Variants in SELENOT observed in about 807,000 individuals in gnomAD.
SELENOT encodes the protein selenoprotein T, also known as thioredoxin reductase-like selenoprotein T.
SELENOT carries 9 observed loss-of-function variants against 24.3 expected under a neutral mutation model. The ratio of observed to expected loss-of-function variants is 0.37; its 90% CI spans 0.22 to 0.65. The LOEUF (loss-of-function observed/expected upper bound fraction) is 0.65, where lower values mean the gene tolerates loss of function less well. Ranked by LOEUF, SELENOT falls within the 30% of genes least tolerant of loss-of-function variation. The pLI is 0.60. For synonymous variants in SELENOT, 81 were observed against 86.0 expected, an observed-to-expected ratio of 0.94 and a Z score of 0.32; for missense variants, 166 against 247.6, an observed-to-expected ratio of 0.67 and a Z score of 2.21.
intron 1 of SELENOT, among the ~76,000 whole-genome samples, chr3:150,616,028 C>G (rs1167298660): frequency 2.6e-5 from 4 of 151,882 alleles, no homozygotes; most frequent in African/African-American, 9.7e-5. Flanking sequence ...CAGAACAGAG[C>G]CCTCAGAAAT....
chr3:150,620,270 T>A (rs1168415861), intron 1 of SELENOT, among the ~76,000 whole-genome samples: 1 of 152,216 alleles, frequency 6.6e-6, no homozygotes, highest in African/African-American at 2.4e-5. Flanking sequence ...AGAATCTCTA[T>A]ATCTTCATCA....
intron 1 of SELENOT, among the ~76,000 whole-genome samples, chr3:150,613,002 T>A (rs1288950100): frequency 6.6e-6 from 1 of 152,228 alleles, no homozygotes; most frequent in Non-Finnish European, 1.5e-5. Context: ...TTGGCACTAT[T>A]CACATTTTTA....
At chr3:150,611,405 G>T in intron 1 of SELENOT, 5 of 1,236,898 alleles carry the variant, frequency 4.0e-6, no homozygotes, top group Non-Finnish European at 6.0e-6. Flanking sequence ...GCTTTATTAA[G>T]TCCTGGTCTG....
intron 3 of SELENOT, 81 bp from the exon 4 acceptor site, chr3:150,624,731 A>G (rs1375455263): frequency 1.2e-6 from 1 of 828,410 alleles, no homozygotes; most frequent in Non-Finnish European, 1.9e-6. Context: ...AATAGTTTTT[A>G]TGGGAACTTT....
In SELENOT at chr3:150,603,406, T is replaced by G; in HGVS notation, c.44T>G (p.Val15Gly). 1 of 1,613,238 alleles carries G rather than the reference T, an allele frequency of 6.2e-7. No homozygotes were observed. The highest frequency in any genetic ancestry group is 8.5e-7 in the Non-Finnish European group (1 of 1,179,384). The change falls in exon 1 of 6, where the codon GTC (valine) becomes GGC (glycine). Residue 15 changes from valine to glycine, a missense_variant. By Grantham distance (109) the Val-to-Gly change is moderately radical. Coordinates refer to ENST00000471696, the MANE Select transcript of SELENOT (RefSeq NM_016275.5). ...CTCCTAGTGGCGGCGTCTGCGATGG[T>G]CCGGAGCGAGGCCTCGGCCAATCTG... ...LLLLVAASAMVRSEASANLGG... is the reference protein window; with the variant it reads ...LLLLVAASAMGRSEASANLGG...
At chr3:150,626,117 C>T (rs1726439950) in intron 4 of SELENOT, among the ~76,000 whole-genome samples, 1 of 152,120 alleles carries the variant, frequency 6.6e-6, no homozygotes, top group Admixed American at 6.5e-5. Flanking sequence ...GATCCGCCCG[C>T]CTCCACCTCC....
intron 3 of SELENOT, 102 bp downstream of exon 3, chr3:150,623,271 T>C: frequency 9.3e-7 from 1 of 1,078,632 alleles, no homozygotes; most frequent in Non-Finnish European, 1.2e-6. Flanking sequence ...ATTCACCTGT[T>C]AACATGTATT....
At chr3:150,619,745 C>G (rs913632260) in intron 1 of SELENOT, among the ~76,000 whole-genome samples, 1 of 152,256 alleles carries the variant, frequency 6.6e-6, no homozygotes, top group African/African-American at 2.4e-5. Flanking sequence ...TGGTTACTAG[C>G]TCTTTACCAT....
At chr3:150,603,531 G>C (rs1170242226) in intron 1 of SELENOT, 32 bp downstream of exon 1, 6 of 1,551,672 alleles carry the variant, frequency 3.9e-6, no homozygotes, top group Non-Finnish European at 5.3e-6. Flanking sequence ...CGGCCACCCC[G>C]CCGCGCCTCT....
chr3:150,625,742 ATTTATC>A (rs1169904856), intron 4 of SELENOT, among the ~76,000 whole-genome samples: 2 of 152,146 alleles, frequency 1.3e-5, no homozygotes, highest in Non-Finnish European at 2.9e-5. Context: ...ATTTGTAGAA[ATTTATC>A]TTTATATTAT....
chr3:150,621,900 TTTTG>T (rs937098294), intron 1 of SELENOT, among the ~76,000 whole-genome samples: 10 of 152,190 alleles, frequency 6.6e-5, no homozygotes, highest in Admixed American at 6.5e-5. Context: ...CCTTGATTTT[TTTTG>T]TTTGTTTGTT....
intron 1 of SELENOT, among the ~76,000 whole-genome samples, chr3:150,614,858 T>A (rs1238124027): frequency 4.0e-5 from 6 of 151,570 alleles, no homozygotes; most frequent in Admixed American, 1.3e-4. Context: ...TTTATTTATT[T>A]ATTATTATTT....
chr3:150,605,760 A>G, intron 1 of SELENOT, among the ~76,000 whole-genome samples: 1 of 152,148 alleles, frequency 6.6e-6, no homozygotes, highest in East Asian at 1.9e-4. Flanking sequence ...GGTAAAGTGA[A>G]TATTGGGTTT....
In SELENOT at chr3:150,604,991, C is replaced by T. The variant is rs1463801019; in HGVS notation, c.137+1492C>T. 3.4e-5 allele frequency among the ~76,000 whole-genome samples: 5 copies of T among 148,910 alleles called. No homozygotes were observed. In the East Asian group the frequency reaches 6.0e-4, roughly 18 times the overall value. ...AGCGGAGGTTGCGGTGAGCCGAGAA[C>T]GCGCCATTGCACTCCAGCCTGGGCA... On this transcript the variant is annotated intron_variant, in intron 1 of 5. Coordinates refer to ENST00000471696, the MANE Select transcript of SELENOT (RefSeq NM_016275.5).
At chr3:150,609,104 C>T (rs990937785) in intron 1 of SELENOT, among the ~76,000 whole-genome samples, 10 of 152,124 alleles carry the variant, frequency 6.6e-5, no homozygotes, top group African/African-American at 1.9e-4. Context: ...AACTTTTGCC[C>T]ATTCAGTATG....
At chr3:150,626,898 T>C (rs2108015789) in intron 4 of SELENOT, 112 bp from the exon 5 acceptor site, 1 of 1,044,210 alleles carries the variant, frequency 9.6e-7, no homozygotes, top group Non-Finnish European at 1.4e-6. Flanking sequence ...TGTACTTTTT[T>C]GCCTACTTTT....
At chr3:150,620,162 A>G (rs1726308454) in intron 1 of SELENOT, among the ~76,000 whole-genome samples, 1 of 152,170 alleles carries the variant, frequency 6.6e-6, no homozygotes, top group African/African-American at 2.4e-5. Flanking sequence ...GGGGAATCTG[A>G]CTGTTAGTTC....
At chr3:150,616,477 C>G (rs1726220301) in intron 1 of SELENOT, among the ~76,000 whole-genome samples, 1 of 148,398 alleles carries the variant, frequency 6.7e-6, no homozygotes. Context: ...TATCCAGAAT[C>G]TACAATGAAC....
At chr3:150,606,088 G>A (rs1725955484) in intron 1 of SELENOT, among the ~76,000 whole-genome samples, 1 of 150,876 alleles carries the variant, frequency 6.6e-6, no homozygotes, top group African/African-American at 2.4e-5. Context: ...GAGAGATCAA[G>A]CTTGTAGAGT....
Sources: gnomAD v4.1 joint callset for allele counts (sites outside exome capture counted in the v4.1 genomes callset) on GRCh38, gnomAD v4.1.1 for gene constraint, MANE v1.5 for transcripts, NCBI Gene and HGNC (gene_info 2026-07-23, HGNC 2026-07-21) for gene names.